Variants in TRAPPC9 observed in about 807,000 individuals in gnomAD.
TRAPPC9 encodes the protein trafficking protein particle complex subunit 9.
TRAPPC9 carries 83 observed loss-of-function variants against 124.0 expected under a neutral mutation model. The observed-to-expected ratio is 0.67, with a 90% CI of 0.56 to 0.80. TRAPPC9 has a LOEUF of 0.80. Among genes scored for constraint, TRAPPC9 ranks in the 30% least tolerant of loss-of-function variants. TRAPPC9 has a pLI of 0.00. For missense variants in TRAPPC9, 1,302 were observed against 1,508.3 expected (o/e 0.86, Z 2.27); for synonymous variants, 638 against 617.5 (o/e 1.03, Z -0.49).
chr8:140,309,343 C>T (rs1255078565), intron 10 of TRAPPC9, among the ~76,000 whole-genome samples: 1 of 152,206 alleles, frequency 6.6e-6, no homozygotes, highest in Non-Finnish European at 1.5e-5. Flanking sequence ...ATGAAGAAAA[C>T]GAAGTGTAAA....
At chr8:140,329,818 C>T (rs1250281500) in intron 9 of TRAPPC9, among the ~76,000 whole-genome samples, 1 of 152,118 alleles carries the variant, frequency 6.6e-6, no homozygotes, top group African/African-American at 2.4e-5. Flanking sequence ...TGGTGGCTCA[C>T]ACCTGTAATC....
At chr8:140,225,060 TAA>T (rs1310269753) in intron 16 of TRAPPC9, among the ~76,000 whole-genome samples, 2 of 152,234 alleles carry the variant, frequency 1.3e-5, no homozygotes, top group African/African-American at 2.4e-5. Context: ...TACAGAAGAA[TAA>T]ACGAATTATT....
chr8:140,031,740 G>A (rs1840507874), intron 17 of TRAPPC9, among the ~76,000 whole-genome samples: 1 of 152,194 alleles, frequency 6.6e-6, no homozygotes, highest in South Asian at 2.1e-4. Context: ...CCTTCAAGAT[G>A]CCAAGTAACT....
At chr8:140,297,609 T>A (rs903386672) in intron 11 of TRAPPC9, among the ~76,000 whole-genome samples, 12 of 152,246 alleles carry the variant, frequency 7.9e-5, no homozygotes, top group Non-Finnish European at 1.6e-4. Flanking sequence ...GAGCCACTCC[T>A]TGCAAAGCCC....
chr8:140,140,661 T>C (rs1472450798), intron 17 of TRAPPC9, among the ~76,000 whole-genome samples: 1 of 152,210 alleles, frequency 6.6e-6, no homozygotes, highest in Non-Finnish European at 1.5e-5. Context: ...TCCCAGATCT[T>C]GCCACATTAC....
At chr8:139,977,325 G>GA (rs1288738288) in intron 19 of TRAPPC9, among the ~76,000 whole-genome samples, 1 of 151,434 alleles carries the variant, frequency 6.6e-6, no homozygotes, top group African/African-American at 2.4e-5. Flanking sequence ...AAGTAGCTTC[G>GA]AAAAAAAATG....
intron 16 of TRAPPC9, among the ~76,000 whole-genome samples, chr8:140,227,146 G>C (rs920353043): frequency 1.3e-5 from 2 of 152,174 alleles, no homozygotes; most frequent in Admixed American, 6.5e-5. Context: ...TGGAGAGAAG[G>C]GGGCAGCTGC....
chr8:140,165,627 G>A (rs1198093292), intron 17 of TRAPPC9, among the ~76,000 whole-genome samples: 5 of 115,586 alleles, frequency 4.3e-5, no homozygotes, highest in Non-Finnish European at 8.6e-5. Context: ...GGGAAGGGAA[G>A]CAAAGGGGAG....
chr8:139,972,952 C>G (rs532925453), intron 19 of TRAPPC9, among the ~76,000 whole-genome samples: 1 of 152,190 alleles, frequency 6.6e-6, no homozygotes, highest in Non-Finnish European at 1.5e-5. Flanking sequence ...CCCAGCAGCT[C>G]CTCTCCTCCC....
intron 16 of TRAPPC9, among the ~76,000 whole-genome samples, chr8:140,249,717 C>T (rs1323482018): frequency 6.6e-6 from 1 of 151,648 alleles, no homozygotes; most frequent in Non-Finnish European, 1.5e-5. Context: ...CATTCTCCCA[C>T]CTCAGCCTCC....
In TRAPPC9 at chr8:140,182,709, A is replaced by C. The variant is rs1419500727; in HGVS notation, c.2556+38750T>G. Among the ~76,000 whole-genome samples, 1 of 152,152 alleles carries C rather than the reference A, an allele frequency of 6.6e-6. No individual in the cohort carries two copies. Among genetic ancestry groups the C allele is most frequent in the Admixed American group, 6.5e-5 (1 of 15,286 alleles). On this transcript the variant is annotated intron_variant, in intron 17 of 22. Transcript: ENST00000438773. This position sits in a 1 kb window ranked among gnomAD's most constrained non-coding sequence, Gnocchi z 4.0. ...GAGAGCTTACTTTAAGAAATTCTAA[A>C]AATACAGCCTCTTGGCAATCATGAC...
At chr8:140,272,730 G>A (rs1324397735) in intron 15 of TRAPPC9, among the ~76,000 whole-genome samples, 1 of 151,972 alleles carries the variant, frequency 6.6e-6, no homozygotes, top group Non-Finnish European at 1.5e-5. Flanking sequence ...CACACAGTGA[G>A]GGGAGAGGGG....
In TRAPPC9 at chr8:140,252,516, AT is replaced by A; in HGVS notation, c.2431+260del. 4.2e-6 allele frequency: 2 copies of A among 473,382 alleles called. No individual in the cohort carries two copies. Among genetic ancestry groups the A allele is most frequent in the African/African-American group, 3.9e-5 (2 of 51,670 alleles). 29.3% of individuals were successfully genotyped at this position (473,382 alleles called of 1,614,324 possible). On this transcript the variant is annotated intron_variant, in intron 16 of 22. Transcript: ENST00000438773. This position sits in a 1 kb window ranked among gnomAD's most constrained non-coding sequence, Gnocchi z 4.2. ...ACGCAGTAATTCCTACATTCCACTA[AT>A]TTAGAATGACCTGCTGGTAAATGAG...
intron 19 of TRAPPC9, among the ~76,000 whole-genome samples, chr8:139,987,573 T>A (rs973687116): frequency 6.6e-6 from 1 of 152,018 alleles, no homozygotes; most frequent in African/African-American, 2.4e-5. Flanking sequence ...GAGAGAAAGA[T>A]CTGGGGCAAA....
intron 9 of TRAPPC9, among the ~76,000 whole-genome samples, chr8:140,318,856 G>A (rs1356433297): frequency 6.6e-6 from 1 of 152,198 alleles, no homozygotes; most frequent in African/African-American, 2.4e-5. Context: ...AACAGAGTTA[G>A]GATTCAGATC....
At chr8:140,014,986 T>G (rs760933162) in intron 18 of TRAPPC9, among the ~76,000 whole-genome samples, 1 of 152,160 alleles carries the variant, frequency 6.6e-6, no homozygotes, top group South Asian at 2.1e-4. Context: ...CTGCAGAAAT[T>G]ATCAGTATCA....
In TRAPPC9 at chr8:140,283,772, C is replaced by T. The variant is rs2065398739; in HGVS notation, c.2114+117G>A. ...TGTTGCTTATCTTACAGAAATCCTT[C>T]ACCTATATTCTGGTCATAAGAATTA... On this transcript the variant is annotated intron_variant, in intron 14 of 22. Coordinates refer to ENST00000438773, the MANE Select transcript of TRAPPC9 (RefSeq NM_001160372.4). 11 of 1,068,684 alleles carry T rather than the reference C, an allele frequency of 1.0e-5. No homozygotes were observed. In the South Asian group the frequency reaches 1.3e-4, roughly 13 times the overall value. The allele number at this position is 1,068,684 out of a possible 1,614,324, so 66.2% of individuals were successfully genotyped here.
Position 140,287,599 on chromosome 8 carries a change from T to A in TRAPPC9, c.1981+9A>T, listed in dbSNP as rs2065525294. 1 of 1,613,790 alleles carries A rather than the reference T, an allele frequency of 6.2e-7. No homozygotes were observed. The highest frequency in any genetic ancestry group is 1.3e-5 in the African/African-American group (1 of 74,866). On this transcript the variant is annotated intron_variant, in intron 13 of 22. Coordinates refer to ENST00000438773, the MANE Select transcript of TRAPPC9 (RefSeq NM_001160372.4). ...TCCTGAGCAGGAAGCATGAAGGGAC[T>A]CTCCTTACCGTTCACAGTAATCGTT...
intron 16 of TRAPPC9, among the ~76,000 whole-genome samples, chr8:140,225,313 A>G (rs1350482963): frequency 6.6e-6 from 1 of 152,178 alleles, no homozygotes; most frequent in African/African-American, 2.4e-5. Flanking sequence ...ACAGGGTCAA[A>G]TCCAGTATTT....
Sources: allele counts gnomAD v4.1 joint callset (sites outside exome capture counted in the v4.1 genomes callset), GRCh38; gene constraint gnomAD v4.1.1; non-coding constraint Gnocchi (gnomAD v3.1); transcripts MANE v1.5; gene names NCBI Gene and HGNC (gene_info 2026-07-23, HGNC 2026-07-21).